Variants in RBL2 observed in about 807,000 individuals in gnomAD.
RBL2 encodes the protein retinoblastoma-like protein 2.
RBL2 carries 56 observed loss-of-function variants against 126.0 expected under a neutral mutation model. The ratio of observed to expected loss-of-function variants is 0.44; its 90% confidence interval spans 0.36 to 0.56. The LOEUF (loss-of-function observed/expected upper bound fraction) is 0.56. Among genes scored for constraint, RBL2 ranks in the 20% least tolerant of loss-of-function variants. The pLI, the probability that RBL2 is intolerant of heterozygous loss-of-function variation, is 0.00. For missense variants in RBL2, 1,229 were observed against 1,398.2 expected (o/e 0.88, Z 1.93); for synonymous variants, 454 against 478.5 (o/e 0.95, Z 0.67).
At chr16:53,453,165 C>A (rs1173171083) in intron 5 of RBL2, among the ~76,000 whole-genome samples, 3 of 151,996 alleles carry the variant, frequency 2.0e-5, no homozygotes, top group Admixed American at 2.0e-4. Flanking sequence ...GTTTTTAGAT[C>A]TTAGTATCCT....
At chr16:53,446,201 G>A (rs890584389) in intron 3 of RBL2, among the ~76,000 whole-genome samples, 9 of 152,096 alleles carry the variant, frequency 5.9e-5, no homozygotes, top group African/African-American at 2.2e-4. Context: ...TTTATCATGC[G>A]CCTATGGTAG....
Position 53,464,223 on chromosome 16 carries a change from T to C in RBL2, c.1561-3T>C, listed in dbSNP as rs774283346. 7.1e-6 allele frequency: 11 copies of C among 1,551,616 alleles called. No individual in the cohort carries two copies. The East Asian group carries it at 1.2e-4, about 16-fold the overall frequency. ...TTCTAATGCTAATAACTTTATTTTA[T>C]AGGGTATTCTGGAACAAGATGCGTT... is the stretch of plus-strand genomic sequence containing the variant. On this transcript the variant is annotated splice_polypyrimidine_tract_variant and splice_region_variant and intron_variant, in intron 11 of 21. Transcript: ENST00000262133.
chr16:53,437,958 C>T (rs575397278), intron 1 of RBL2, among the ~76,000 whole-genome samples: 1 of 151,782 alleles, frequency 6.6e-6, no homozygotes, highest in Non-Finnish European at 1.5e-5. Flanking sequence ...ACCTGGGAGG[C>T]AGAGCTTGGA....
rs756763534 is a variant in RBL2 at position 53,457,258 on chromosome 16, C to CTTTTTTTTTTTTTTTTTTT, written c.1180-2192_1180-2174dup. ...GGGTCATCAGGGTGGGTACAGATAG[C>CTTTTTTTTTTTTTTTTTTT]TTTTTTTTTTTTTTTTTTTGAGATG... On this transcript the variant is annotated intron_variant, in intron 8 of 21. Transcript: ENST00000262133. Among the ~76,000 whole-genome samples the CTTTTTTTTTTTTTTTTTTT allele has an allele frequency of 9.3e-4, 84 of 89,930 alleles. 6 individuals are homozygous for CTTTTTTTTTTTTTTTTTTT. The highest frequency in any genetic ancestry group is 2.2e-3 in the African/African-American group (37 of 16,714). 59.0% of individuals were successfully genotyped at this position (89,930 alleles called of 152,430 possible).
intron 1 of RBL2, among the ~76,000 whole-genome samples, chr16:53,436,050 A>T (rs1283525597): frequency 6.6e-6 from 1 of 152,216 alleles, no homozygotes; most frequent in African/African-American, 2.4e-5. Context: ...TTTCAAGTTT[A>T]CTAAGCTCTT....
intron 11 of RBL2, among the ~76,000 whole-genome samples, chr16:53,463,547 A>G (rs2058243180): frequency 6.9e-6 from 1 of 143,932 alleles, no homozygotes; most frequent in Non-Finnish European, 1.5e-5. Context: ...GGCCCCTTTC[A>G]ATATTTTTTT....
In RBL2 at chr16:53,479,179, A is replaced by G. The variant is rs757478776; in HGVS notation, c.2729A>G (p.Gln910Arg). Residue 910 changes from glutamine to arginine, a missense_variant, in exon 18 of 22, where the codon CAG becomes CGG. By Grantham distance (43) the Gln-to-Arg change is conservative. Around this residue, in one of 2 missense-constraint regions of RBL2, gnomAD observed 1,070 missense variants for 1,274.3 expected, o/e 0.84. Transcript: ENST00000262133. Reference sequence around the variant, plus strand: ...GTCACAAAAGAAGATAAGTCCTTCCAGAACATTATGCGTTGTTATAGGACT... The same window carrying G: ...GTCACAAAAGAAGATAAGTCCTTCCGGAACATTATGCGTTGTTATAGGACT... ...AKVTKEDKSF[Q>R]NIMRCYRTQP... 2.5e-6 allele frequency: 4 copies of G among 1,613,864 alleles called. No individual in the cohort carries two copies. Among genetic ancestry groups the G allele is most frequent in the East Asian group, 4.5e-5 (2 of 44,892 alleles).
rs138528731 is a variant in RBL2, at chr16:53,483,226, A to AT, written c.3249+1398dup. On this transcript the variant is annotated intron_variant, in intron 21 of 21. Coordinates refer to ENST00000262133, the MANE Select transcript of RBL2 (RefSeq NM_005611.4). ...TTGATAAGTGGCTGCTCAGTGTACT[A>AT]TTTTTTTCAACTCTTTGTAGGCTTG... 7.3e-4 allele frequency among the ~76,000 whole-genome samples: 111 copies of AT among 152,160 alleles called. 1 individual carries two copies. In the East Asian group the frequency reaches 0.017, roughly 24 times the overall value.
intron 14 of RBL2, among the ~76,000 whole-genome samples, chr16:53,467,804 CCTGGTGATTT>C (rs1217535363): frequency 2.0e-5 from 3 of 152,168 alleles, no homozygotes; most frequent in African/African-American, 4.8e-5. Context: ...TGATAGAATT[CCTGGTGATTT>C]CTGTAAAATT....
chr16:53,471,650 G>C (rs981500250), intron 17 of RBL2, among the ~76,000 whole-genome samples: 11 of 152,002 alleles, frequency 7.2e-5, no homozygotes, highest in Non-Finnish European at 1.5e-4. Flanking sequence ...TGCATTTTTA[G>C]TAGAGATGGG....
intron 17 of RBL2, among the ~76,000 whole-genome samples, chr16:53,476,582 A>G (rs970942850): frequency 2.0e-5 from 3 of 152,192 alleles, no homozygotes; most frequent in Non-Finnish European, 4.4e-5. Flanking sequence ...AAAGTGAGGT[A>G]CTGAAATCTA....
rs2058315761 is a variant in RBL2, at chr16:53,470,803, G to C, written c.2584G>C (p.Asp862His). The change falls in exon 17 of 22, where the codon GAT becomes CAT. Residue 862 changes from aspartate to histidine, a missense_variant. Coordinates refer to ENST00000262133, the MANE Select transcript of RBL2 (RefSeq NM_005611.4). ...RDLCAKLDIS[D>H]ELRKKIWTCF... ...TCTCTGTGCCAAACTAGATATTTCAGATGAATTGAGGAAAAAAATCTGGAC... is the reference window on the plus strand; with the variant it reads ...TCTCTGTGCCAAACTAGATATTTCACATGAATTGAGGAAAAAAATCTGGAC... 6.2e-7 allele frequency: 1 copy of C among 1,614,086 alleles called. No homozygotes were observed. Among genetic ancestry groups the C allele is most frequent in the Non-Finnish European group, 8.5e-7 (1 of 1,180,044 alleles).
chr16:53,463,775 C>G (rs910066842), intron 11 of RBL2, among the ~76,000 whole-genome samples: 1 of 151,332 alleles, frequency 6.6e-6, no homozygotes, highest in Non-Finnish European at 1.5e-5. Flanking sequence ...CCATGTTGGT[C>G]AGGCTGGTCT....
Position 53,465,884 on chromosome 16 carries a change from A to G in RBL2, c.1863+282A>G, listed in dbSNP as rs1182613535. On this transcript the variant is annotated intron_variant, in intron 13 of 21. Transcript: ENST00000262133. Reference sequence around the variant, plus strand: ...TGGTGGGGAAAAATAAAAGACTTATATACAGGGTACTCCTAGGTAGCAGCA... The same window carrying G: ...TGGTGGGGAAAAATAAAAGACTTATGTACAGGGTACTCCTAGGTAGCAGCA... 13 of 223,602 alleles carry G rather than the reference A, an allele frequency of 5.8e-5. No homozygotes were observed. In the South Asian group the frequency reaches 1.3e-3, roughly 22 times the overall value. The allele number at this position is 223,602 out of a possible 1,614,324, so 13.9% of individuals were successfully genotyped here.
chr16:53,468,429 A>G (rs2058290828), intron 14 of RBL2, among the ~76,000 whole-genome samples: 1 of 152,088 alleles, frequency 6.6e-6, no homozygotes, highest in Non-Finnish European at 1.5e-5. Flanking sequence ...CACATGGATG[A>G]TCCTTATGAA....
chr16:53,480,488 C>T lies in RBL2; in HGVS notation c.2882-79C>T, dbSNP rs149977118. On this transcript the variant is annotated intron_variant, in intron 19 of 21. Transcript: ENST00000262133. Reference sequence around the variant, plus strand: ...AGCAAGTAGTGCAGGTAGCTGTTCCCTTTCTCCTACTTTTAAAAAATTAAA... The same window carrying T: ...AGCAAGTAGTGCAGGTAGCTGTTCCTTTTCTCCTACTTTTAAAAAATTAAA... The T allele has an allele frequency of 6.9e-5, 87 of 1,259,738 alleles. No homozygotes were observed. In the East Asian group the frequency reaches 2.0e-3, roughly 29 times the overall value. 78.0% of individuals were successfully genotyped at this position (1,259,738 alleles called of 1,614,324 possible).
intron 1 of RBL2, among the ~76,000 whole-genome samples, chr16:53,438,142 C>G (rs2057977216): frequency 6.6e-6 from 1 of 152,160 alleles, no homozygotes; most frequent in African/African-American, 2.4e-5. Flanking sequence ...GTCACAGGTT[C>G]TGTGAGTAAG....
Position 53,453,517 on chromosome 16 carries a change from A to G in RBL2, c.832A>G (p.Lys278Glu). The G allele has an allele frequency of 6.2e-7, 1 of 1,613,158 alleles. No homozygotes were observed. Among genetic ancestry groups the G allele is most frequent in the Non-Finnish European group, 8.5e-7 (1 of 1,179,246 alleles). Residue 278 changes from lysine (K) to glutamate (E), a missense_variant, in exon 6 of 22, where the codon AAA becomes GAA. By Grantham distance (56) the Lys-to-Glu change is moderately conservative. Around this residue, in one of 2 missense-constraint regions of RBL2, gnomAD observed 1,070 missense variants for 1,274.3 expected, o/e 0.84. Transcript: ENST00000262133. ...PSSDPPCIIE[K>E]LCSLHDGLVL... ...CTCTGACCCCCCTTGTATCATTGAG[A>G]AACTGTGTTCCTTACATGATGGCCT...
intron 17 of RBL2, among the ~76,000 whole-genome samples, chr16:53,477,212 TCCA>T (rs1960758465): frequency 6.6e-6 from 1 of 152,238 alleles, no homozygotes; most frequent in Non-Finnish European, 1.5e-5. Flanking sequence ...AATGTACAAC[TCCA>T]CCAGTACATT....
Sources: gnomAD v4.1 joint callset for allele counts (sites outside exome capture counted in the v4.1 genomes callset) on GRCh38, gnomAD v4.1.1 for gene constraint, gnomAD v4.1.1 regional missense constraint, MANE v1.5 for transcripts, NCBI Gene and HGNC (gene_info 2026-07-23, HGNC 2026-07-21) for gene names.